The following UST variants were observed in gnomAD, a reference collection of about 807,000 sequenced individuals.
UST encodes uronyl 2-sulfotransferase, also known as chondroitin sulfate 2-O-sulfotransferase.
UST carries 21 observed loss-of-function variants against 45.6 expected under a neutral mutation model. That is an observed-to-expected ratio of 0.46 (90% confidence interval 0.33 to 0.66). The LOEUF (loss-of-function observed/expected upper bound fraction) is 0.66. UST is among the 30% of genes least tolerant of loss of function. The pLI, the probability that UST is intolerant of heterozygous loss-of-function variation, is 0.02. For missense variants in UST, 463 were observed against 512.4 expected, an observed-to-expected ratio of 0.90 and a Z score of 0.93; for synonymous variants, 215 against 200.6, an observed-to-expected ratio of 1.07 and a Z score of -0.61.
At position 148,779,561 on chromosome 6, in the gene UST, A is replaced by G. The variant is rs529666388; in HGVS notation, c.247+31884A>G. On this transcript the variant is annotated intron_variant, in intron 1 of 7. Transcript: ENST00000367463. ...CTGTTGCTCCCACCACGCCAGGGAA[A>G]TAATAATTCCCACTCAGCCCGCTCC... 1.2e-4 allele frequency among the ~76,000 whole-genome samples: 18 copies of G among 152,356 alleles called. 1 individual carries two copies. The highest frequency in any genetic ancestry group is 6.2e-4 in the South Asian group (3 of 4,834).
chr6:148,981,849 A>G (rs1287336907), intron 5 of UST, among the ~76,000 whole-genome samples: 1 of 152,140 alleles, frequency 6.6e-6, no homozygotes, highest in African/African-American at 2.4e-5. Flanking sequence ...TAGGCCATAA[A>G]ATGGATGTGT....
chr6:148,974,961 A>C (rs1780988682), intron 5 of UST, among the ~76,000 whole-genome samples: 1 of 152,238 alleles, frequency 6.6e-6, no homozygotes, highest in African/African-American at 2.4e-5. Context: ...TTTGTAATTA[A>C]CCACTTGGAT....
chr6:148,758,945 T>C (rs936325863), intron 1 of UST, among the ~76,000 whole-genome samples: 2 of 152,180 alleles, frequency 1.3e-5, no homozygotes, highest in Non-Finnish European at 2.9e-5. Flanking sequence ...TGCCTTCCCA[T>C]TGGATAAACA....
intron 5 of UST, among the ~76,000 whole-genome samples, chr6:148,998,967 A>T (rs1348821924): frequency 6.6e-6 from 1 of 152,208 alleles, no homozygotes; most frequent in Non-Finnish European, 1.5e-5. Flanking sequence ...GGCTGTAGAG[A>T]TGAGAATCAC....
intron 1 of UST, among the ~76,000 whole-genome samples, chr6:148,886,589 G>C (rs1240778696): frequency 6.6e-6 from 1 of 152,190 alleles, no homozygotes; most frequent in South Asian, 2.1e-4. Context: ...TTGGGAACTG[G>C]TTAGAAATGC....
At chr6:148,973,451 A>G (rs1009019911) in intron 5 of UST, among the ~76,000 whole-genome samples, 2 of 152,266 alleles carry the variant, frequency 1.3e-5, no homozygotes, top group African/African-American at 4.8e-5. Flanking sequence ...GCCAATTCAT[A>G]CAAAGACATG....
In UST at chr6:148,786,918, G is replaced by A. The variant is rs558131376; in HGVS notation, c.247+39241G>A. Among the ~76,000 whole-genome samples the A allele has an allele frequency of 6.6e-4, 101 of 152,288 alleles. 4 individuals carry two copies. In the South Asian group the frequency reaches 0.021, roughly 31 times the overall value. ...TAGTAATTGCCATTCTGACTGGTGT[G>A]AGATGGTATCTTATTGTGGTTTTGA... On this transcript the variant is annotated intron_variant, in intron 1 of 7. Transcript: ENST00000367463.
intron 7 of UST, among the ~76,000 whole-genome samples, chr6:149,029,430 C>CATTAT (rs574032213): frequency 3.8e-3 from 254 of 67,708 alleles, no homozygotes; most frequent in African/African-American, 0.02. Flanking sequence ...ATATTGTATA[C>CATTAT]ATTATATTAT....
At position 149,074,149 on chromosome 6, in the gene UST, C is replaced by T; in HGVS notation, c.*33C>T. The T allele has an allele frequency of 1.3e-6, 2 of 1,596,990 alleles. No homozygotes were observed. The highest frequency in any genetic ancestry group is 1.7e-5 in the Admixed American group (1 of 58,344). On this transcript the variant is annotated 3_prime_UTR_variant, in exon 8 of 8. Coordinates refer to ENST00000367463, the MANE Select transcript of UST (RefSeq NM_005715.3). ...GTGTTGCCTCTATGGCTTTATCTCC[C>T]TTTTCCAGAAAGTTCTTTGTTTGGG... is the stretch of plus-strand genomic sequence containing the variant.
At chr6:148,995,271 C>T (rs1408187070) in intron 5 of UST, among the ~76,000 whole-genome samples, 1 of 152,214 alleles carries the variant, frequency 6.6e-6, no homozygotes, top group Admixed American at 6.5e-5. Flanking sequence ...GATCCGCCCG[C>T]CTCGGCCTCC....
chr6:148,823,724 A>G (rs1160435368), intron 1 of UST, among the ~76,000 whole-genome samples: 3 of 152,220 alleles, frequency 2.0e-5, no homozygotes, highest in Non-Finnish European at 4.4e-5. Flanking sequence ...CTAGGGTATC[A>G]GTTAACATTG....
intron 2 of UST, among the ~76,000 whole-genome samples, chr6:148,906,019 A>G (rs1426532206): frequency 6.7e-6 from 1 of 150,274 alleles, no homozygotes; most frequent in Non-Finnish European, 1.5e-5. Flanking sequence ...ATATGTACTA[A>G]TTATGTGTAC....
At chr6:148,778,897 G>A (rs1350553834) in intron 1 of UST, among the ~76,000 whole-genome samples, 1 of 152,084 alleles carries the variant, frequency 6.6e-6, no homozygotes, top group African/African-American at 2.4e-5. Flanking sequence ...CCGGAATCCA[G>A]ATTGCATTGG....
chr6:148,885,269 T>C (rs76843768), intron 1 of UST, among the ~76,000 whole-genome samples: 1,820 of 152,276 alleles, frequency 0.012, 45 homozygotes, highest in African/African-American at 0.041. Flanking sequence ...TTTCTCACGC[T>C]TCCCCTGGGG....
rs1298235175 is a variant in UST at position 148,790,063 on chromosome 6, T to G, written c.247+42386T>G. ...GGGAAGGCTGATTTCTTTAGCTCTT[T>G]TCTTTCTCTGGGAATAATGCATTCG... On this transcript the variant is annotated intron_variant, in intron 1 of 7. Transcript: ENST00000367463. The surrounding 1 kb of genome is among the most constrained non-coding windows in gnomAD (Gnocchi z 4.2). Among the ~76,000 whole-genome samples, 1 of 152,076 alleles carries G rather than the reference T, an allele frequency of 6.6e-6. No homozygotes were observed. Among genetic ancestry groups the G allele is most frequent in the East Asian group, 1.9e-4 (1 of 5,188 alleles).
At chr6:149,004,702 C>T (rs1463924947) in intron 5 of UST, among the ~76,000 whole-genome samples, 1 of 152,194 alleles carries the variant, frequency 6.6e-6, no homozygotes, top group Non-Finnish European at 1.5e-5. Flanking sequence ...GACAGAGGCT[C>T]AGATACAGGC....
At position 148,790,456 on chromosome 6, in the gene UST, G is replaced by C. The variant is rs1038765741; in HGVS notation, c.247+42779G>C. On this transcript the variant is annotated intron_variant, in intron 1 of 7. Transcript: ENST00000367463. This position sits in a 1 kb window ranked among gnomAD's most constrained non-coding sequence, Gnocchi z 4.2. ...GCAAGGCAGTTGCCCAGGGGTAGAT[G>C]GCATACCTCCTTGGCGAATCTGATT... Among the ~76,000 whole-genome samples the C allele has an allele frequency of 6.6e-6, 1 of 152,188 alleles. No homozygotes were observed. Among genetic ancestry groups the C allele is most frequent in the Non-Finnish European group, 1.5e-5 (1 of 68,032 alleles).
intron 7 of UST, among the ~76,000 whole-genome samples, chr6:149,023,101 G>GGTGTGTGTGTGTGT (rs61544082): frequency 7.0e-6 from 1 of 143,358 alleles, no homozygotes; most frequent in Non-Finnish European, 1.5e-5. Context: ...CTTGTTCTAT[G>GGTGTGTGTGTGTGT]GTGTGTGTGT....
chr6:148,772,244 A>G (rs2114675078), intron 1 of UST, among the ~76,000 whole-genome samples: 1 of 152,258 alleles, frequency 6.6e-6, no homozygotes, highest in South Asian at 2.1e-4. Flanking sequence ...TTTTGGCAGG[A>G]ACAGGATAGC....
Sources: gnomAD v4.1 joint callset for allele counts (sites outside exome capture counted in the v4.1 genomes callset) on GRCh38, gnomAD v4.1.1 for gene constraint, Gnocchi (gnomAD v3.1) non-coding constraint, MANE v1.5 for transcripts, NCBI Gene and HGNC (gene_info 2026-07-23, HGNC 2026-07-21) for gene names.